The following UBE2D3 variants were observed in gnomAD, a reference collection of about 807,000 sequenced individuals.
The protein encoded by UBE2D3 is ubiquitin conjugating enzyme E2 D3.
A neutral mutation model predicts 22.8 loss-of-function variants in UBE2D3; 2 were observed. That is an observed-to-expected ratio of 0.09 (90% CI 0.04 to 0.28). The LOEUF (loss-of-function observed/expected upper bound fraction) is 0.28. UBE2D3 is among the 10% of genes least tolerant of loss of function. UBE2D3 has a pLI of 1.00. For missense variants in UBE2D3, 27 were observed against 182.5 expected (o/e 0.15, Z 4.91); for synonymous variants, 56 against 60.4 (o/e 0.93, Z 0.34).
chr4:102,851,165 C>T (rs1349155749), intron 1 of UBE2D3, among the ~76,000 whole-genome samples: 2 of 152,234 alleles, frequency 1.3e-5, no homozygotes, highest in African/African-American at 4.8e-5. Context: ...CTACTTTGTT[C>T]ATGCATCTTT....
chr4:102,825,300 C>G, intron 2 of UBE2D3: 1 of 986,978 alleles, frequency 1.0e-6, no homozygotes, highest in South Asian at 4.5e-5. Flanking sequence ...TTCAAGTTAG[C>G]TGTAAACACT....
chr4:102,855,625 C>T (rs750375995), intron 1 of UBE2D3, among the ~76,000 whole-genome samples: 10 of 152,050 alleles, frequency 6.6e-5, no homozygotes, highest in Non-Finnish European at 2.9e-5. Flanking sequence ...GGTCTTGCAA[C>T]GTTTCCCAGG....
intron 7 of UBE2D3, chr4:102,798,998 A>G: frequency 6.2e-7 from 1 of 1,600,086 alleles, no homozygotes; most frequent in South Asian, 1.1e-5. Context: ...AAGTACACTT[A>G]GCATTAATTA....
chr4:102,864,829 G>C (rs1560897209), intron 1 of UBE2D3, among the ~76,000 whole-genome samples: 1 of 152,254 alleles, frequency 6.6e-6, no homozygotes, highest in East Asian at 1.9e-4. Context: ...TGTTATAGAG[G>C]TTATACAAAT....
At position 102,856,534 on chromosome 4, in the gene UBE2D3, C is replaced by T. The variant is rs185733330; in HGVS notation, c.-129+12181G>A. Among the ~76,000 whole-genome samples, 526 of 152,076 alleles carry T rather than the reference C, an allele frequency of 3.5e-3. 4 individuals carry two copies. The highest frequency in any genetic ancestry group is 0.022 in the East Asian group (113 of 5,184). ...TAGTGCTTTCATGCTTTGAAAAAAC[C>T]TTTTTATCCAGAGATATTTTTAGGT... On this transcript the variant is annotated intron_variant, in intron 1 of 7. Transcript: ENST00000338145.
intron 1 of UBE2D3, among the ~76,000 whole-genome samples, chr4:102,853,134 C>CCTTTTTTT (rs1560891590): frequency 1.2e-5 from 1 of 80,760 alleles, no homozygotes; most frequent in Non-Finnish European, 2.2e-5. Flanking sequence ...CAAACACACA[C>CCTTTTTTT]ATTTTTTTTT....
At chr4:102,823,164 A>G (rs1729900704) in intron 2 of UBE2D3, among the ~76,000 whole-genome samples, 1 of 152,200 alleles carries the variant, frequency 6.6e-6, no homozygotes, top group Admixed American at 6.5e-5. Context: ...GTAATAGATA[A>G]TACTATATGC....
chr4:102,822,538 T>C (rs1248539541), intron 2 of UBE2D3, among the ~76,000 whole-genome samples: 1 of 152,246 alleles, frequency 6.6e-6, no homozygotes, highest in Non-Finnish European at 1.5e-5. Context: ...AAATTAGCTA[T>C]AACCTAAGAG....
Position 102,838,874 on chromosome 4 carries a change from A to G in UBE2D3, c.-128-12238T>C, listed in dbSNP as rs1247224455. On this transcript the variant is annotated intron_variant, in intron 1 of 7. Transcript: ENST00000338145. ...AATAGCTCTATCTAACCAAAATTCT[A>G]TTCATGTGAGGGAGCAAAAGATGAT... Among the ~76,000 whole-genome samples, 5 of 151,454 alleles carry G rather than the reference A, an allele frequency of 3.3e-5. No homozygotes were observed. The South Asian group carries it at 6.2e-4, about 19-fold the overall frequency.
At chr4:102,807,846 G>A (rs1727310864) in intron 4 of UBE2D3, among the ~76,000 whole-genome samples, 1 of 152,072 alleles carries the variant, frequency 6.6e-6, no homozygotes, top group Admixed American at 6.5e-5. Flanking sequence ...CTTGCCTTTT[G>A]GGAAAAACTA....
chr4:102,824,518 A>C (rs997768311), intron 2 of UBE2D3, among the ~76,000 whole-genome samples: 6 of 152,220 alleles, frequency 3.9e-5, no homozygotes, highest in Admixed American at 6.5e-5. Flanking sequence ...TACAACAGAT[A>C]CCCTTCTTAT....
chr4:102,813,305 G>A (rs1728320308), intron 2 of UBE2D3, among the ~76,000 whole-genome samples: 1 of 152,182 alleles, frequency 6.6e-6, no homozygotes, highest in South Asian at 2.1e-4. Flanking sequence ...TCTTGCCTCA[G>A]CCTCTTAAGC....
At chr4:102,802,695 G>A (rs1431105699) in intron 4 of UBE2D3, 57 bp from the exon 5 acceptor site, 7 of 1,353,944 alleles carry the variant, frequency 5.2e-6, no homozygotes, top group African/African-American at 1.5e-5. Context: ...TAAATATTCC[G>A]TAACATTTGT....
At position 102,827,080 on chromosome 4, in the gene UBE2D3, G is replaced by A. The variant is rs1171524790; in HGVS notation, c.-129+347C>T. Reference sequence around the variant, plus strand: ...CGGGAAAAGGAAGGAAATAAAGGAAGGGAGACTTGATGTGTATTGCTATCC... The same window carrying A: ...CGGGAAAAGGAAGGAAATAAAGGAAAGGAGACTTGATGTGTATTGCTATCC... On this transcript the variant is annotated intron_variant, in intron 1 of 7. Transcript: ENST00000453744. The A allele has an allele frequency of 8.1e-6, 8 of 989,410 alleles. No homozygotes were observed. In the East Asian group the frequency reaches 5.6e-4, roughly 70 times the overall value. 61.3% of individuals were successfully genotyped at this position (989,410 alleles called of 1,614,324 possible).
intron 4 of UBE2D3, among the ~76,000 whole-genome samples, chr4:102,808,309 G>A (rs893574700): frequency 2.0e-5 from 3 of 152,114 alleles, no homozygotes; most frequent in Middle Eastern, 3.4e-3. Flanking sequence ...GGCCAAACTG[G>A]GTAACTCAAC....
chr4:102,802,366 C>T, intron 5 of UBE2D3, 195 bp downstream of exon 5: 1 of 377,528 alleles, frequency 2.6e-6, no homozygotes, highest in South Asian at 1.1e-4. Flanking sequence ...AAAGAAAAGG[C>T]AAACCTTATT....
At chr4:102,805,940 T>C (rs1044500963) in intron 4 of UBE2D3, among the ~76,000 whole-genome samples, 5 of 152,202 alleles carry the variant, frequency 3.3e-5, no homozygotes, top group South Asian at 2.1e-4. Flanking sequence ...AGAATCAAGA[T>C]AGTTATCAAG....
chr4:102,819,999 A>G (rs967301398), intron 2 of UBE2D3, among the ~76,000 whole-genome samples: 16 of 152,238 alleles, frequency 1.1e-4, no homozygotes, highest in African/African-American at 3.9e-4. Flanking sequence ...ACTGAGCAAC[A>G]CAAAACACTG....
chr4:102,826,666 C>T, intron 1 of UBE2D3, 30 bp from the exon 2 acceptor site: 3 of 1,527,612 alleles, frequency 2.0e-6, no homozygotes, highest in Admixed American at 2.2e-5. Context: ...GATCAGCACT[C>T]GCACAGGCCC....
Sources: gnomAD v4.1 joint callset for allele counts (sites outside exome capture counted in the v4.1 genomes callset) on GRCh38, gnomAD v4.1.1 for gene constraint, MANE v1.5 for transcripts, NCBI Gene and HGNC (gene_info 2026-07-23, HGNC 2026-07-21) for gene names.